VSIG8: variants seen among roughly 807,000 people sequenced by gnomAD.
The protein encoded by VSIG8 is V-set and immunoglobulin domain containing 8.
VSIG8 carries 32 observed loss-of-function variants against 42.6 expected under a neutral mutation model. The ratio of observed to expected loss-of-function variants is 0.75; its 90% CI spans 0.57 to 1.01. The LOEUF is 1.01. VSIG8 is among the 50% of genes least tolerant of loss of function. VSIG8 has a pLI of 0.00. For synonymous variants in VSIG8, 290 were observed against 243.8 expected, an observed-to-expected ratio of 1.19 and a Z score of -1.77; for missense variants, 529 against 558.0, an observed-to-expected ratio of 0.95 and a Z score of 0.52.
At chr1:159,856,920 C>G (rs1195232384) in intron 4 of VSIG8, among the ~76,000 whole-genome samples, 1 of 152,186 alleles carries the variant, frequency 6.6e-6, no homozygotes, top group African/African-American at 2.4e-5. Context: ...CTCTCTGAGC[C>G]TTGGTCTCCT....
intron 2 of VSIG8, 21 bp downstream of exon 2, chr1:159,858,713 A>G: frequency 2.5e-6 from 4 of 1,579,404 alleles, no homozygotes; most frequent in Non-Finnish European, 3.4e-6. Flanking sequence ...GAGGAAGGAG[A>G]CCCCTGTGCC....
At position 159,858,091 on chromosome 1, in the gene VSIG8, T is replaced by C; in HGVS notation, c.429A>G (p.Gln143=). The C allele has an allele frequency of 6.2e-7, 1 of 1,614,192 alleles. No individual in the cohort carries two copies. Among genetic ancestry groups the C allele is most frequent in the Non-Finnish European group, 8.5e-7 (1 of 1,180,030 alleles). ...GAGCTTAGAGGAGTCTGGCCATACCTTGGACAGTGACAATGACCTTCCGGG... is the reference window on the plus strand; with the variant it reads ...GAGCTTAGAGGAGTCTGGCCATACCCTGGACAGTGACAATGACCTTCCGGG... ...MATRKVIVTV[Q]ARPAVPMCWT... The change falls in exon 3 of 7, where the codon CAA becomes CAG. Residue 143 remains glutamine (Q), a splice_region_variant and synonymous_variant. Coordinates refer to ENST00000368100, the MANE Select transcript of VSIG8 (RefSeq NM_001013661.1).
chr1:159,859,973 C>CG (rs1315514453), intron 1 of VSIG8, among the ~76,000 whole-genome samples: 1 of 152,128 alleles, frequency 6.6e-6, no homozygotes, highest in Non-Finnish European at 1.5e-5. Flanking sequence ...GGGATAAGAC[C>CG]GGGGGGTGTA....
chr1:159,856,770 C>T (rs1648844456), intron 4 of VSIG8, 127 bp from the exon 5 acceptor site: 1 of 1,094,194 alleles, frequency 9.1e-7, no homozygotes, highest in Non-Finnish European at 1.3e-6. Flanking sequence ...TACACCCACA[C>T]CCACACACAC....
rs776462329 is a variant in VSIG8, at chr1:159,855,939, G to A, written c.915C>T (p.Tyr305=). 41 of 1,572,608 alleles carry A rather than the reference G, an allele frequency of 2.6e-5. No homozygotes were observed. Among genetic ancestry groups the A allele is most frequent in the African/African-American group, 1.2e-4 (9 of 73,864 alleles). The change falls in exon 6 of 7, where the codon TAC becomes TAT. Residue 305 remains tyrosine (Y), a synonymous_variant. Coordinates refer to ENST00000368100, the MANE Select transcript of VSIG8 (RefSeq NM_001013661.1). ...CTCCGCCGACCCCGCCGCCGTTGCC[G>A]TAGCCGAAGGCACCGCGGGCGCCGC... ...GAGGARGAFG[Y]GNGGGVGGGA...
At chr1:159,860,718 C>T (rs1269370937) in intron 1 of VSIG8, 1 of 152,280 alleles carries the variant, frequency 6.6e-6, no homozygotes. Context: ...CCTGAGGCTG[C>T]TCAAGGCAAG....
Position 159,854,938 on chromosome 1 carries a change from G to C in VSIG8, c.1060C>G (p.Arg354Gly). 6.6e-7 allele frequency: 1 copy of C among 1,520,420 alleles called. No homozygotes were observed. Among genetic ancestry groups the C allele is most frequent in the Non-Finnish European group, 8.8e-7 (1 of 1,141,710 alleles). 94.2% of individuals were successfully genotyped at this position (1,520,420 alleles called of 1,614,324 possible). The change falls in exon 7 of 7, where the codon CGC becomes GGC. Residue 354 changes from arginine to glycine, a missense_variant. Physicochemically the swap from Arg to Gly is moderately radical, Grantham distance 125. Coordinates refer to ENST00000368100, the MANE Select transcript of VSIG8 (RefSeq NM_001013661.1). ...LLGYPTQNVS[R>G]SLRRKYAPPP... ...GGCGCGTACTTGCGGCGCAGGGAGCGGCTGACGTTCTGCGTCGGGTACCCC... is the reference window on the plus strand; with the variant it reads ...GGCGCGTACTTGCGGCGCAGGGAGCCGCTGACGTTCTGCGTCGGGTACCCC...
chr1:159,862,439 T>C (rs1176874978), intron 1 of VSIG8, 34 bp downstream of exon 1: 1 of 1,592,566 alleles, frequency 6.3e-7, no homozygotes, highest in Non-Finnish European at 8.6e-7. Flanking sequence ...CCTAGCCTCA[T>C]GCTGGCTACC....
chr1:159,859,051 CGTAGTGGGTGT>C, intron 1 of VSIG8, 139 bp from the exon 2 acceptor site: 1 of 820,670 alleles, frequency 1.2e-6, no homozygotes, highest in Non-Finnish European at 1.9e-6. Context: ...GAGGGCTGCT[CGTAGTGGGTGT>C]GTATGTGTGT....
intron 5 of VSIG8, 44 bp from the exon 6 acceptor site, chr1:159,856,125 G>A (rs1381469229): frequency 6.3e-7 from 1 of 1,575,024 alleles, no homozygotes; most frequent in Non-Finnish European, 8.6e-7. Flanking sequence ...TCACAGCCTG[G>A]CAGGTGCCTG....
At position 159,856,771 on chromosome 1, in the gene VSIG8, C is replaced by CA. The variant is rs111861505; in HGVS notation, c.653-129_653-128insT. 1.0e-4 allele frequency: 92 copies of CA among 890,502 alleles called. 1 individual carries two copies. In the Middle Eastern group the frequency reaches 3.8e-3, roughly 37 times the overall value. The allele number at this position is 890,502 out of a possible 1,614,324, so 55.2% of individuals were successfully genotyped here. On this transcript the variant is annotated intron_variant, in intron 4 of 6. Transcript: ENST00000368100. ...CTTATGCATGTGTGTACACCCACAC[C>CA]CACACACACACACACACACTCCACT...
chr1:159,856,452 C>T (rs1345260722), intron 5 of VSIG8, 72 bp downstream of exon 5: 7 of 1,593,530 alleles, frequency 4.4e-6, no homozygotes, highest in African/African-American at 1.3e-5. Context: ...GCAGCTGAGG[C>T]TCCAAACCAG....
intron 6 of VSIG8, chr1:159,855,285 G>A (rs1648778980): frequency 1.3e-6 from 2 of 1,547,918 alleles, no homozygotes; most frequent in South Asian, 2.4e-5. Flanking sequence ...CCTGCAGGCA[G>A]CCCCCTCCAG....
At chr1:159,856,154 G>A (rs1648816373) in intron 5 of VSIG8, 73 bp from the exon 6 acceptor site, 2 of 1,477,086 alleles carry the variant, frequency 1.4e-6, no homozygotes, top group Middle Eastern at 1.7e-4. Flanking sequence ...GCACCAGGAG[G>A]TGCCAGGTCA....
rs971790690 is a variant in VSIG8, at chr1:159,854,658, C to A, written c.*95G>T. ...CAGCCGCCTGGCAGCCTGGGGCGAG[C>A]GAGGTCGTCCCCAGCCCCGACGTGT... On this transcript the variant is annotated 3_prime_UTR_variant, in exon 7 of 7. Coordinates refer to ENST00000368100, the MANE Select transcript of VSIG8 (RefSeq NM_001013661.1). 7.4e-7 allele frequency: 1 copy of A among 1,348,822 alleles called. No homozygotes were observed. The highest frequency in any genetic ancestry group is 9.5e-7 in the Non-Finnish European group (1 of 1,056,078). 83.6% of individuals were successfully genotyped at this position (1,348,822 alleles called of 1,614,324 possible).
intron 6 of VSIG8, 192 bp downstream of exon 6, chr1:159,855,690 AG>A (rs1189954574): frequency 1.1e-6 from 1 of 946,278 alleles, no homozygotes; most frequent in East Asian, 1.2e-4. Flanking sequence ...GCAGAGGTGA[AG>A]ACTGGGGTGG....
At chr1:159,860,467 CAG>C (rs1205579082) in intron 1 of VSIG8, among the ~76,000 whole-genome samples, 1 of 152,186 alleles carries the variant, frequency 6.6e-6, no homozygotes, top group African/African-American at 2.4e-5. Flanking sequence ...AGCCTGGCTC[CAG>C]AGAGGCCAGC....
chr1:159,858,590 G>A (rs1648920540), intron 2 of VSIG8, 144 bp downstream of exon 2: 2 of 902,228 alleles, frequency 2.2e-6, no homozygotes, highest in Non-Finnish European at 3.3e-6. Flanking sequence ...ATTCACAATT[G>A]CAGAGCTCTC....
chr1:159,857,911 A>T lies in VSIG8; in HGVS notation c.486T>A (p.Asp162Glu). ...CACTGGCATAGCACTTCAGCACCAC[A>T]TCGTTGCCATATGTCATGTGGCCCT... ...WTEGHMTYGN[D>E]VVLKCYASGG... The change falls in exon 4 of 7, where the codon GAT becomes GAA. Residue 162 changes from aspartate (D) to glutamate (E), a missense_variant. Asp to Glu is a conservative substitution (Grantham distance 45, BLOSUM62 2). Coordinates refer to ENST00000368100, the MANE Select transcript of VSIG8 (RefSeq NM_001013661.1). 1.9e-6 allele frequency: 3 copies of T among 1,614,156 alleles called. No homozygotes were observed. The highest frequency in any genetic ancestry group is 1.3e-5 in the African/African-American group (1 of 75,040).
Sources: allele counts gnomAD v4.1 joint callset (sites outside exome capture counted in the v4.1 genomes callset), GRCh38; gene constraint gnomAD v4.1.1; transcripts MANE v1.5; gene names NCBI Gene and HGNC (gene_info 2026-07-23, HGNC 2026-07-21).